SCN1A: variants seen among roughly 807,000 people sequenced by gnomAD.
The protein encoded by SCN1A is sodium channel protein type 1 subunit alpha.
In SCN1A, 13 loss-of-function variants were observed where a neutral mutation model predicts 193.7. The observed-to-expected ratio is 0.07, with a 90% confidence interval of 0.04 to 0.11. The LOEUF (loss-of-function observed/expected upper bound fraction) is 0.11, where lower values mean the gene tolerates loss of function less well. Ranked by LOEUF, SCN1A falls within the 10% of genes least tolerant of loss-of-function variation. The pLI, the probability that SCN1A is intolerant of heterozygous loss-of-function variation, is 1.00. For missense variants in SCN1A, 1,432 were observed against 2,451.1 expected (o/e 0.58, Z 8.78); for synonymous variants, 781 against 843.6 (o/e 0.93, Z 1.29).
At chr2:166,129,128 C>A (rs1365103638), upstream of SCN1A, among the ~76,000 whole-genome samples, 1 of 152,070 alleles carries the variant, frequency 6.6e-6, no homozygotes, top group Admixed American at 6.6e-5. Flanking sequence ...GAGATAAATA[C>A]TATTAATGTT....
intron 26 of SCN1A, 107 bp from the exon 27 acceptor site, chr2:165,996,224 T>G: frequency 1.4e-6 from 1 of 697,044 alleles, no homozygotes; most frequent in Non-Finnish European, 2.5e-6. Flanking sequence ...AAAATTCAAC[T>G]GATTAGTATA....
At chr2:166,097,045 G>A (rs568585856) in intron 2 of SCN1A, among the ~76,000 whole-genome samples, 14 of 151,940 alleles carry the variant, frequency 9.2e-5, no homozygotes, top group Non-Finnish European at 1.5e-4. Flanking sequence ...TTTTGGAGAC[G>A]GGGTCAGGCT....
rs992894 is a variant in SCN1A, at chr2:166,045,593, A to T, written c.1378-266T>A. ...CAGACCACGTATTCAAAAATATCCA[A>T]CATGTATCAACAAGAAAATAAATTC... On this transcript the variant is annotated intron_variant, in intron 12 of 28. Transcript: ENST00000674923. Among the ~76,000 whole-genome samples, 101,236 of 151,920 alleles carry T rather than the reference A, an allele frequency of 0.67. 34,170 individuals are homozygous for T. The highest frequency in any genetic ancestry group is 0.89 in the East Asian group (4,612 of 5,176).
chr2:166,126,523 A>G (rs1691260826), intron 2 of SCN1A: 1 of 152,192 alleles, frequency 6.6e-6, no homozygotes, highest in South Asian at 2.1e-4. Context: ...TAAAGCAGGA[A>G]TCACCAACCT....
chr2:166,004,312 C>T (rs1691354085), intron 23 of SCN1A, among the ~76,000 whole-genome samples: 1 of 151,530 alleles, frequency 6.6e-6, no homozygotes, highest in South Asian at 2.1e-4. Context: ...TGTGTATACA[C>T]AGAGTACTAA....
chr2:166,009,622 G>T lies in SCN1A; in HGVS notation c.4002+97C>A, dbSNP rs1692136525. On this transcript the variant is annotated intron_variant, in intron 23 of 28. Coordinates refer to ENST00000674923, the MANE Select transcript of SCN1A (RefSeq NM_001165963.4). ...TAAAGTAGCAATTTTGCAAGAATTT[G>T]CCATTCCTTTTGCATGCATAGATTT... 4.1e-6 allele frequency: 5 copies of T among 1,211,746 alleles called. No individual in the cohort carries two copies. The South Asian group carries it at 7.6e-5, about 19-fold the overall frequency. The allele number at this position is 1,211,746 out of a possible 1,614,324, so 75.1% of individuals were successfully genotyped here. A position where few individuals can be genotyped will look rare whatever the true frequency, so the allele number is the denominator to read the frequency against.
At position 166,091,577 on chromosome 2, in the gene SCN1A, G is replaced by A. The variant is rs982604076; in HGVS notation, c.-141-13776C>T. ...AGGACATGAACCAAGCTGCAGAGAA[G>A]AGGCTGACTGCCTGCTATATTTGCA... On this transcript the variant is annotated intron_variant, in intron 2 of 28. Coordinates refer to ENST00000674923, the MANE Select transcript of SCN1A (RefSeq NM_001165963.4). 6.6e-5 allele frequency among the ~76,000 whole-genome samples: 10 copies of A among 152,168 alleles called. No individual in the cohort carries two copies. The South Asian group carries it at 1.0e-3, about 16-fold the overall frequency.
At chr2:166,007,859 T>G (rs1691862062) in intron 23 of SCN1A, among the ~76,000 whole-genome samples, 1 of 151,380 alleles carries the variant, frequency 6.6e-6, no homozygotes, top group African/African-American at 2.4e-5. Context: ...CCAATCATAA[T>G]CATCATTCTT....
chr2:166,024,187 C>T (rs774316919), intron 19 of SCN1A, among the ~76,000 whole-genome samples: 2 of 152,086 alleles, frequency 1.3e-5, no homozygotes, highest in African/African-American at 2.4e-5. Context: ...GGTTGCGCCA[C>T]TGCACTCTGG....
chr2:165,984,805 G>A (rs1688502814), downstream of SCN1A: 1 of 152,104 alleles, frequency 6.6e-6, no homozygotes, highest in African/African-American at 2.4e-5. Context: ...CATAGGGGTG[G>A]TGTTCTCGGT....
chr2:166,118,640 T>A (rs1282340903), intron 2 of SCN1A, among the ~76,000 whole-genome samples: 1 of 152,058 alleles, frequency 6.6e-6, no homozygotes, highest in East Asian at 1.9e-4. Flanking sequence ...ACTGGCCTTT[T>A]TAAGTGGCAT....
At chr2:166,101,498 T>A (rs1688071163) in intron 2 of SCN1A, among the ~76,000 whole-genome samples, 1 of 58,282 alleles carries the variant, frequency 1.7e-5, no homozygotes, top group South Asian at 1.1e-3. Flanking sequence ...ACCCTAAAAC[T>A]TAAAGTATAA....
chr2:165,996,467 T>G (rs1316949677), intron 26 of SCN1A: 1 of 184,236 alleles, frequency 5.4e-6, no homozygotes, highest in Non-Finnish European at 1.1e-5. Flanking sequence ...ACTACCTTTA[T>G]GATGTTAAAG....
intron 1 of SCN1A, among the ~76,000 whole-genome samples, chr2:166,147,093 C>CA (rs1553468742): frequency 6.6e-6 from 1 of 152,006 alleles, no homozygotes; most frequent in African/African-American, 2.4e-5. Flanking sequence ...ATCCCTAGAG[C>CA]TTCTGACTCA....
At chr2:166,102,027 A>G (rs1188299906) in intron 2 of SCN1A, among the ~76,000 whole-genome samples, 2 of 152,242 alleles carry the variant, frequency 1.3e-5, no homozygotes, top group Non-Finnish European at 1.5e-5. Flanking sequence ...TAAATCAACA[A>G]GTGAAAAACA....
chr2:166,012,323 A>T (rs1692596837), intron 21 of SCN1A, 41 bp from the exon 22 acceptor site: 1 of 1,459,958 alleles, frequency 6.8e-7, no homozygotes, highest in Non-Finnish European at 9.5e-7. Flanking sequence ...TTCAAAAATA[A>T]TTATACTCCA....
rs117659764 is a variant in SCN1A at position 166,139,541 on chromosome 2, G to T, written c.-50+9506C>A. On this transcript the variant is annotated intron_variant, in intron 1 of 26. Coordinates refer to the SCN1A transcript ENST00000635750. ...TCCTTGCCTCCAGCATGATTGTGAG[G>T]CCTCCCCAGCCACGTGGAACTATGA... Among the ~76,000 whole-genome samples, 784 of 152,268 alleles carry T rather than the reference G, an allele frequency of 5.1e-3. 10 individuals carry two copies. Among genetic ancestry groups the T allele is most frequent in the South Asian group, 0.041 (198 of 4,822 alleles).
chr2:166,103,486 T>G (rs939709601), intron 2 of SCN1A, among the ~76,000 whole-genome samples: 1 of 146,248 alleles, frequency 6.8e-6, no homozygotes, highest in Non-Finnish European at 1.5e-5. Flanking sequence ...AATAAATAAA[T>G]AAATAAATAC....
At chr2:166,041,500 C>A in intron 15 of SCN1A, 31 bp from the exon 16 acceptor site, 2 of 1,297,524 alleles carry the variant, frequency 1.5e-6, no homozygotes, top group Non-Finnish European at 2.2e-6. Flanking sequence ...AAAAGAACCA[C>A]CAAAAGGTAT....
Sources: gnomAD v4.1 joint callset for allele counts (sites outside exome capture counted in the v4.1 genomes callset) on GRCh38, gnomAD v4.1.1 for gene constraint, MANE v1.5 for transcripts, NCBI Gene and HGNC (gene_info 2026-07-23, HGNC 2026-07-21) for gene names.